Variants in TNRC6A observed in about 807,000 individuals in gnomAD.
The protein encoded by TNRC6A is trinucleotide repeat containing adaptor 6A.
TNRC6A carries 44 observed loss-of-function variants against 221.2 expected under a neutral mutation model. The observed-to-expected ratio is 0.20, with a 90% CI of 0.16 to 0.26. TNRC6A has a LOEUF of 0.26. Among genes scored for constraint, TNRC6A ranks in the 10% least tolerant of loss-of-function variants. The probability of loss-of-function intolerance (pLI) is 1.00; values close to 1 mark genes in which losing one functional copy is unlikely to be tolerated. For missense variants in TNRC6A, 2,199 were observed against 2,404.4 expected (o/e 0.91, Z 1.79); for synonymous variants, 847 against 838.5 (o/e 1.01, Z -0.18).
chr16:24,719,404 G>T (rs1382671490), intron 2 of TNRC6A, among the ~76,000 whole-genome samples: 18 of 152,052 alleles, frequency 1.2e-4, no homozygotes, highest in Non-Finnish European at 2.6e-4. Flanking sequence ...GCTGGCTCAC[G>T]CTTGTAATCC....
At position 24,804,851 on chromosome 16, in the gene TNRC6A, G is replaced by A; in HGVS notation, c.3984G>A (p.Gln1328=). The A allele has an allele frequency of 6.2e-7, 1 of 1,613,566 alleles. No homozygotes were observed. The highest frequency in any genetic ancestry group is 1.1e-5 in the South Asian group (1 of 90,886). ...LGMQNLNSVR[Q]NGNPSMFGVG... ...TGCAAAACTTGAATTCTGTTAGACA[G>A]GTAAGTCCAGATGTGTATTTTAGGC... The change falls in exon 13 of 25, where the codon CAG becomes CAA. Residue 1328 remains glutamine, a splice_region_variant and synonymous_variant. Coordinates refer to ENST00000395799, the MANE Select transcript of TNRC6A (RefSeq NM_014494.4).
At chr16:24,642,380 T>G (rs540035314) in intron 2 of TNRC6A, among the ~76,000 whole-genome samples, 39 of 152,294 alleles carry the variant, frequency 2.6e-4, no homozygotes, top group African/African-American at 9.4e-4. Flanking sequence ...AAAGCAGGGC[T>G]GTGGTCACTA....
At chr16:24,751,927 A>G (rs552939195) in intron 3 of TNRC6A, among the ~76,000 whole-genome samples, 1 of 152,268 alleles carries the variant, frequency 6.6e-6, no homozygotes, top group East Asian at 1.9e-4. Flanking sequence ...GCAGAATAGA[A>G]AAGGATTCCA....
At chr16:24,807,847 G>A (rs765921760) in intron 17 of TNRC6A, among the ~76,000 whole-genome samples, 1 of 152,032 alleles carries the variant, frequency 6.6e-6, no homozygotes, top group Non-Finnish European at 1.5e-5. Flanking sequence ...TTTGCTGGTT[G>A]TTAGCCAGAG....
intron 2 of TNRC6A, among the ~76,000 whole-genome samples, chr16:24,667,424 C>T (rs1449449139): frequency 6.6e-6 from 1 of 152,200 alleles, no homozygotes; most frequent in African/African-American, 2.4e-5. Flanking sequence ...ACTGACCCAT[C>T]ATGCCATCTG....
In TNRC6A at chr16:24,823,585, C is replaced by G; in HGVS notation, c.5667C>G (p.His1889Gln). 6.2e-7 allele frequency: 1 copy of G among 1,614,202 alleles called. No individual in the cohort carries two copies. Among genetic ancestry groups the G allele is most frequent in the Non-Finnish European group, 8.5e-7 (1 of 1,180,036 alleles). The change falls in exon 25 of 25, where the codon CAC becomes CAG. Residue 1889 changes from histidine (H) to glutamine (Q), a missense_variant. By Grantham distance (24) the His-to-Gln change is conservative (BLOSUM62 0). This residue lies in a region of TNRC6A where 130 missense variants were observed against 121.7 expected (regional missense o/e 1.07). Coordinates refer to ENST00000395799, the MANE Select transcript of TNRC6A (RefSeq NM_014494.4). The surrounding 1 kb of genome is among the most constrained non-coding windows in gnomAD (Gnocchi z 4.3). ...GGCTGGGCTCCCTCGACTGTTCCCA[C>G]TCATTCTCCAGCCGGACCGATCTCA... ...QSRLGSLDCS[H>Q]SFSSRTDLNH...
chr16:24,705,444 G>A (rs2056077420), intron 2 of TNRC6A, among the ~76,000 whole-genome samples: 1 of 151,782 alleles, frequency 6.6e-6, no homozygotes, highest in Non-Finnish European at 1.5e-5. Context: ...TGATTCTCCT[G>A]CCTCAGCCTC....
intron 23 of TNRC6A, 62 bp downstream of exon 23, chr16:24,822,209 G>C: frequency 1.3e-6 from 2 of 1,536,824 alleles, no homozygotes; most frequent in Non-Finnish European, 1.8e-6. Flanking sequence ...ACAGAGGTTC[G>C]GGTCTGTATG....
At chr16:24,616,341 AAAAG>A (rs1194756190) in intron 1 of TNRC6A, among the ~76,000 whole-genome samples, 1 of 146,612 alleles carries the variant, frequency 6.8e-6, no homozygotes, top group Non-Finnish European at 1.5e-5. Flanking sequence ...AAAAAAAAAA[AAAAG>A]AAGAAGAAGA....
In TNRC6A at chr16:24,784,490, A is replaced by AT. The variant is rs372402918; in HGVS notation, c.590-4735dup. 7.0e-3 allele frequency among the ~76,000 whole-genome samples: 1,062 copies of AT among 152,100 alleles called. 2 individuals are homozygous for AT. The highest frequency in any genetic ancestry group is 0.012 in the Non-Finnish European group (821 of 67,962). On this transcript the variant is annotated intron_variant, in intron 5 of 24. Coordinates refer to ENST00000395799, the MANE Select transcript of TNRC6A (RefSeq NM_014494.4). Reference sequence around the variant, plus strand: ...AGGTATATGCTACTACACCCAGCTGATTTTTTTATTTTTTGTAGAGATGGG... The same window carrying AT: ...AGGTATATGCTACTACACCCAGCTGATTTTTTTTATTTTTTGTAGAGATGGG...
intron 2 of TNRC6A, among the ~76,000 whole-genome samples, chr16:24,712,949 GTGTGTGTGTA>G (rs1356566710): frequency 8.5e-6 from 1 of 117,232 alleles, no homozygotes; most frequent in Non-Finnish European, 2.1e-5. Context: ...GTGTGTGTGT[GTGTGTGTGTA>G]TAGAGGTGAG....
chr16:24,820,469 C>A, intron 22 of TNRC6A, 109 bp downstream of exon 22: 1 of 956,920 alleles, frequency 1.0e-6, no homozygotes, highest in Non-Finnish European at 1.6e-6. Context: ...GCCTCACCTC[C>A]ATCAGGGGGA....
At chr16:24,732,188 C>G (rs1052868478) in intron 2 of TNRC6A, among the ~76,000 whole-genome samples, 3 of 152,174 alleles carry the variant, frequency 2.0e-5, no homozygotes, top group African/African-American at 7.2e-5. Flanking sequence ...TAAAAGTGTT[C>G]TGAGGAAGGA....
chr16:24,662,994 G>T (rs1303513247), intron 2 of TNRC6A: 1 of 153,730 alleles, frequency 6.5e-6, no homozygotes, highest in Non-Finnish European at 1.5e-5. Context: ...TTATTTGAAA[G>T]AAATTTCTTG....
Position 24,796,174 on chromosome 16 carries a change from G to A in TNRC6A, c.3561+235G>A, listed in dbSNP as rs2058215682. 6.7e-6 allele frequency: 3 copies of A among 444,732 alleles called. No individual in the cohort carries two copies. The South Asian group carries it at 1.7e-4, about 25-fold the overall frequency. 27.5% of individuals were successfully genotyped at this position (444,732 alleles called of 1,614,324 possible). A position where few individuals can be genotyped will look rare whatever the true frequency, so the allele number is the denominator to read the frequency against. Reference sequence around the variant, plus strand: ...TTGGAAGATGCTTGGGATGGGATGTGTTAAGGAAGATAGTAGCCCAACATA... The same window carrying A: ...TTGGAAGATGCTTGGGATGGGATGTATTAAGGAAGATAGTAGCCCAACATA... On this transcript the variant is annotated intron_variant, in intron 9 of 24. Transcript: ENST00000395799.
chr16:24,763,451 A>T (rs901185229), intron 4 of TNRC6A, among the ~76,000 whole-genome samples: 1 of 152,134 alleles, frequency 6.6e-6, no homozygotes, highest in African/African-American at 2.4e-5. Flanking sequence ...TTGAAGGAAG[A>T]AGTTTTTAGT....
chr16:24,776,353 C>T (rs879604990), intron 4 of TNRC6A: 14 of 985,008 alleles, frequency 1.4e-5, no homozygotes, highest in Non-Finnish European at 1.7e-5. Context: ...TCTTTAGTTC[C>T]ATGTTCTGAG....
At chr16:24,781,653 T>G (rs565901955) in intron 5 of TNRC6A, among the ~76,000 whole-genome samples, 19 of 152,232 alleles carry the variant, frequency 1.2e-4, no homozygotes, top group Non-Finnish European at 2.2e-4. Context: ...ATGTCCAAAC[T>G]TGAACTCTTT....
At chr16:24,696,369 A>G (rs1567364768) in intron 2 of TNRC6A, among the ~76,000 whole-genome samples, 2 of 148,344 alleles carry the variant, frequency 1.3e-5, no homozygotes, top group African/African-American at 2.5e-5. Flanking sequence ...AAAAAAAAAG[A>G]AAGTATGAGA....
Sources: allele counts gnomAD v4.1 joint callset (sites outside exome capture counted in the v4.1 genomes callset), GRCh38; gene constraint gnomAD v4.1.1; regional missense constraint gnomAD v4.1.1; non-coding constraint Gnocchi (gnomAD v3.1); transcripts MANE v1.5; gene names NCBI Gene and HGNC (gene_info 2026-07-23, HGNC 2026-07-21).